Variants in SLC7A14 observed in about 807,000 individuals in gnomAD.
SLC7A14 encodes the protein solute carrier family 7 member 14.
Under a neutral mutation model 60.2 loss-of-function variants are expected in SLC7A14, and 37 were observed. The ratio of observed to expected loss-of-function variants is 0.61; its 90% CI spans 0.47 to 0.81. The LOEUF is 0.81. Ranked by LOEUF, SLC7A14 falls within the 30% of genes least tolerant of loss-of-function variation. The pLI, the probability that SLC7A14 is intolerant of heterozygous loss-of-function variation, is 0.00. For missense variants in SLC7A14, 886 were observed against 982.7 expected (o/e 0.90, Z 1.32); for synonymous variants, 399 against 395.8 (o/e 1.01, Z -0.10).
chr3:170,499,300 G>C (rs1055354047), intron 3 of SLC7A14, among the ~76,000 whole-genome samples: 1 of 140,714 alleles, frequency 7.1e-6, no homozygotes, highest in South Asian at 2.3e-4. Context: ...GGAACTCTGT[G>C]TGTGTGTGTG....
chr3:170,514,208 C>A (rs969440052), intron 2 of SLC7A14, among the ~76,000 whole-genome samples: 4 of 152,182 alleles, frequency 2.6e-5, no homozygotes, highest in African/African-American at 9.7e-5. Context: ...AAGTAGATGG[C>A]CTGGCACATG....
At chr3:170,484,990 T>C (rs138356586) in intron 5 of SLC7A14, among the ~76,000 whole-genome samples, 1 of 152,112 alleles carries the variant, frequency 6.6e-6, no homozygotes, top group African/African-American at 2.4e-5. Flanking sequence ...ACTGTGATGA[T>C]TGACTTTATT....
chr3:170,556,070 T>C (rs1714478567), intron 1 of SLC7A14, among the ~76,000 whole-genome samples: 1 of 152,244 alleles, frequency 6.6e-6, no homozygotes, highest in Non-Finnish European at 1.5e-5. Flanking sequence ...CCATAGTGGG[T>C]GTACCACAAA....
chr3:170,491,980 G>T (rs1210757685), intron 4 of SLC7A14, among the ~76,000 whole-genome samples: 1 of 152,120 alleles, frequency 6.6e-6, no homozygotes, highest in African/African-American at 2.4e-5. Flanking sequence ...AGCAAAAAGG[G>T]TCATCTTTTT....
chr3:170,477,159 T>C (rs1052599664), intron 7 of SLC7A14, among the ~76,000 whole-genome samples: 1 of 152,198 alleles, frequency 6.6e-6, no homozygotes, highest in African/African-American at 2.4e-5. Flanking sequence ...GGTGGGGTAG[T>C]AGGAGCCCCA....
At chr3:170,512,648 A>G (rs1713016868) in intron 2 of SLC7A14, among the ~76,000 whole-genome samples, 1 of 127,328 alleles carries the variant, frequency 7.9e-6, no homozygotes, top group South Asian at 2.7e-4. Flanking sequence ...CATGTGTACA[A>G]TTTGCATTTT....
intron 6 of SLC7A14, among the ~76,000 whole-genome samples, chr3:170,482,111 T>C (rs1349195753): frequency 6.6e-6 from 1 of 152,086 alleles, no homozygotes; most frequent in Non-Finnish European, 1.5e-5. Context: ...TAGATACAGA[T>C]TTATGTCCAG....
chr3:170,561,852 A>C (rs1000763495), intron 1 of SLC7A14, among the ~76,000 whole-genome samples: 2 of 152,240 alleles, frequency 1.3e-5, no homozygotes, highest in African/African-American at 4.8e-5. Context: ...GAAAATTCTC[A>C]AGAAAAGATA....
At chr3:170,527,834 G>C (rs1231854011) in intron 1 of SLC7A14, among the ~76,000 whole-genome samples, 2 of 152,116 alleles carry the variant, frequency 1.3e-5, no homozygotes, top group African/African-American at 2.4e-5. Context: ...ATGATGATCT[G>C]AGCCTGTCAA....
chr3:170,567,173 A>C, intron 1 of SLC7A14, among the ~76,000 whole-genome samples: 1 of 106,110 alleles, frequency 9.4e-6, no homozygotes, highest in Admixed American at 1.3e-4. Flanking sequence ...CCCACCCCAC[A>C]ACAGTCCCCA....
chr3:170,518,103 A>G (rs541501262), intron 2 of SLC7A14, among the ~76,000 whole-genome samples: 16 of 152,302 alleles, frequency 1.1e-4, no homozygotes, highest in Admixed American at 9.8e-4. Flanking sequence ...AAGCTCCTTT[A>G]ACCTCTGACT....
rs1739652140 is a variant in SLC7A14, at chr3:170,463,669, C to T, written c.*3386G>A. 1 of 152,258 alleles carries T rather than the reference C, an allele frequency of 6.6e-6. No homozygotes were observed. Among genetic ancestry groups the T allele is most frequent in the South Asian group, 2.1e-4 (1 of 4,830 alleles). The allele number at this position is 152,258 out of a possible 1,614,324, so 9.4% of individuals were successfully genotyped here. On this transcript the variant is annotated 3_prime_UTR_variant, in exon 8 of 8. Transcript: ENST00000231706. ...ACTATCTGGGATCATAGGCACATGCCACCACACCAAGCTCTATTTCCTCTA... is the reference window on the plus strand; with the variant it reads ...ACTATCTGGGATCATAGGCACATGCTACCACACCAAGCTCTATTTCCTCTA...
rs146706697 is a variant in SLC7A14, at chr3:170,565,765, C to T, written c.-153+20146G>A. On this transcript the variant is annotated intron_variant, in intron 1 of 7. Transcript: ENST00000231706. ...CTTGTCCTGTGGATAAACAGATGAT[C>T]TCAGCTTCTGGTCCTATTGAATGAC... Among the ~76,000 whole-genome samples the T allele has an allele frequency of 3.0e-3, 462 of 152,142 alleles. 3 individuals carry two copies. Among genetic ancestry groups the T allele is most frequent in the African/African-American group, 0.011 (443 of 41,484 alleles).
intron 1 of SLC7A14, among the ~76,000 whole-genome samples, chr3:170,565,226 C>T (rs749497853): frequency 1.3e-4 from 20 of 152,166 alleles, no homozygotes; most frequent in Admixed American, 5.2e-4. Flanking sequence ...GGAGACCCTG[C>T]CTGGGCTCTT....
At chr3:170,548,688 G>T (rs997401062) in intron 1 of SLC7A14, among the ~76,000 whole-genome samples, 1 of 152,170 alleles carries the variant, frequency 6.6e-6, no homozygotes, top group Non-Finnish European at 1.5e-5. Flanking sequence ...TGGAATTCAA[G>T]AATCAGTATT....
At chr3:170,565,237 C>A (rs191754331) in intron 1 of SLC7A14, among the ~76,000 whole-genome samples, 1 of 152,032 alleles carries the variant, frequency 6.6e-6, no homozygotes, top group African/African-American at 2.4e-5. Context: ...CTGGGCTCTT[C>A]GCTAGCTGAG....
At chr3:170,543,556 G>A (rs976879628) in intron 1 of SLC7A14, among the ~76,000 whole-genome samples, 4 of 151,734 alleles carry the variant, frequency 2.6e-5, no homozygotes, top group African/African-American at 7.3e-5. Flanking sequence ...GGCTGAGGCA[G>A]GAGAATCGCT....
intron 1 of SLC7A14, among the ~76,000 whole-genome samples, chr3:170,544,121 G>A (rs1462610806): frequency 6.6e-6 from 1 of 151,990 alleles, no homozygotes; most frequent in South Asian, 2.1e-4. Flanking sequence ...AGTATTGAGC[G>A]TGCTTAATTT....
At position 170,486,315 on chromosome 3, in the gene SLC7A14, G is replaced by C. The variant is rs553438612; in HGVS notation, c.813C>G (p.Ile271Met). Residue 271 changes from isoleucine (I) to methionine (M), a missense_variant, in exon 5 of 8, where the codon ATC (isoleucine) becomes ATG (methionine). Coordinates refer to ENST00000231706, the MANE Select transcript of SLC7A14 (RefSeq NM_020949.3). ...CFYAFIGFDI[I>M]ATTGEEAKNP... ...TCTTGGCTTCCTCTCCAGTGGTGGC[G>C]ATGATGTCAAAGCCAATGAAAGCGT... is the stretch of plus-strand genomic sequence containing the variant. 6.8e-6 allele frequency: 11 copies of C among 1,614,216 alleles called. No homozygotes were observed. In the South Asian group the frequency reaches 1.2e-4, roughly 18 times the overall value.
Sources: allele counts gnomAD v4.1 joint callset (sites outside exome capture counted in the v4.1 genomes callset), GRCh38; gene constraint gnomAD v4.1.1; transcripts MANE v1.5; gene names NCBI Gene and HGNC (gene_info 2026-07-23, HGNC 2026-07-21).